Variants in ZFAND3 observed in about 807,000 individuals in gnomAD.
ZFAND3 encodes the protein AN1-type zinc finger protein 3.
ZFAND3 carries 10 observed loss-of-function variants against 29.6 expected under a neutral mutation model. The ratio of observed to expected loss-of-function variants is 0.34; its 90% confidence interval spans 0.21 to 0.57. The LOEUF (loss-of-function observed/expected upper bound fraction) is 0.57. Ranked by LOEUF, ZFAND3 falls within the 20% of genes least tolerant of loss-of-function variation. The pLI, the probability that ZFAND3 is intolerant of heterozygous loss-of-function variation, is 0.86. For synonymous variants in ZFAND3, 128 were observed against 112.6 expected (o/e 1.14, Z -0.87); for missense variants, 230 against 304.5 (o/e 0.76, Z 1.82).
intron 1 of ZFAND3, among the ~76,000 whole-genome samples, chr6:37,842,647 A>T (rs1419332164): frequency 1.3e-5 from 2 of 152,222 alleles, no homozygotes; most frequent in African/African-American, 4.8e-5. Flanking sequence ...CTTACTTGAC[A>T]TCAAGAAAAG....
chr6:38,047,352 A>G (rs1469217519), intron 2 of ZFAND3, among the ~76,000 whole-genome samples: 5 of 152,084 alleles, frequency 3.3e-5, no homozygotes, highest in Admixed American at 3.3e-4. Context: ...ACTTCTTTCA[A>G]ACCCAATCTG....
At chr6:38,113,437 A>G (rs1765357637) in intron 4 of ZFAND3, among the ~76,000 whole-genome samples, 1 of 152,196 alleles carries the variant, frequency 6.6e-6, no homozygotes, top group African/African-American at 2.4e-5. Flanking sequence ...CAAATAACTC[A>G]GTGGTCTTTA....
chr6:37,932,105 C>T (rs1761607740), intron 2 of ZFAND3, among the ~76,000 whole-genome samples: 2 of 152,028 alleles, frequency 1.3e-5, no homozygotes, highest in Admixed American at 1.3e-4. Flanking sequence ...CCCGTCTCTA[C>T]TAAAAACACA....
chr6:37,896,062 A>G (rs1765197607), intron 1 of ZFAND3, among the ~76,000 whole-genome samples: 1 of 152,202 alleles, frequency 6.6e-6, no homozygotes, highest in Admixed American at 6.5e-5. Context: ...GAGTAGATTT[A>G]CAGATGTCAT....
chr6:38,120,365 G>A (rs1267117442), intron 5 of ZFAND3, among the ~76,000 whole-genome samples: 5 of 108,034 alleles, frequency 4.6e-5, no homozygotes, highest in South Asian at 2.9e-4. Flanking sequence ...AGACGGAGTC[G>A]CCCAGGCTGG....
intron 5 of ZFAND3, among the ~76,000 whole-genome samples, chr6:38,149,290 G>A (rs1220435446): frequency 6.6e-6 from 1 of 151,848 alleles, no homozygotes; most frequent in Non-Finnish European, 1.5e-5. Flanking sequence ...ATGTGTGCTT[G>A]TAGTTGCGCT....
intron 2 of ZFAND3, among the ~76,000 whole-genome samples, chr6:38,055,028 T>C (rs1764107375): frequency 6.6e-6 from 1 of 152,186 alleles, no homozygotes; most frequent in Non-Finnish European, 1.5e-5. Context: ...CTGTAGCCTA[T>C]TATGGACATA....
At chr6:37,917,324 G>A (rs760817092) in intron 1 of ZFAND3, among the ~76,000 whole-genome samples, 17 of 152,230 alleles carry the variant, frequency 1.1e-4, no homozygotes, top group Non-Finnish European at 2.1e-4. Flanking sequence ...CAATTGCGAC[G>A]TCCCACCTTC....
At position 38,064,666 on chromosome 6, in the gene ZFAND3, CTTTTT is replaced by C. The variant is rs35827782; in HGVS notation, c.295+2907_295+2911del. On this transcript the variant is annotated intron_variant, in intron 3 of 5. Transcript: ENST00000287218. ...TTAGGCCACTGTAGACTGCTATGGG[CTTTTT>C]TTTTTTTTTTTTTTTAATATGAATA... 6.9e-5 allele frequency among the ~76,000 whole-genome samples: 8 copies of C among 115,934 alleles called. No individual in the cohort carries two copies. The East Asian group carries it at 9.5e-4, about 14-fold the overall frequency. 76.1% of individuals were successfully genotyped at this position (115,934 alleles called of 152,430 possible).
At chr6:37,919,807 T>C (rs1007018806) in intron 1 of ZFAND3, among the ~76,000 whole-genome samples, 1 of 152,198 alleles carries the variant, frequency 6.6e-6, no homozygotes, top group Non-Finnish European at 1.5e-5. Flanking sequence ...TTTATAAAAC[T>C]AGTTTGTTGT....
intron 2 of ZFAND3, among the ~76,000 whole-genome samples, chr6:38,036,391 A>G (rs541333866): frequency 6.6e-6 from 1 of 152,336 alleles, no homozygotes; most frequent in East Asian, 1.9e-4. Context: ...GAACAGGGAT[A>G]GGATAGGAGA....
rs141125955 is a variant in ZFAND3 at position 38,101,902 on chromosome 6, T to C, written c.362-14670T>C. ...AAATAGTTTAAAAACAAATCAGCTA[T>C]TTAATTTTAGCATCTACTCAGTTAT... On this transcript the variant is annotated intron_variant, in intron 4 of 5. Transcript: ENST00000287218. Among the ~76,000 whole-genome samples, 757 of 152,254 alleles carry C rather than the reference T, an allele frequency of 5.0e-3. 9 individuals carry two copies. Among genetic ancestry groups the C allele is most frequent in the African/African-American group, 0.017 (699 of 41,540 alleles).
chr6:37,916,255 A>G (rs566253165), intron 1 of ZFAND3, among the ~76,000 whole-genome samples: 3 of 152,338 alleles, frequency 2.0e-5, no homozygotes, highest in African/African-American at 4.8e-5. Flanking sequence ...ACAGATATGA[A>G]GTAAGCACGT....
intron 1 of ZFAND3, among the ~76,000 whole-genome samples, chr6:37,919,982 C>T (rs1029306903): frequency 1.3e-5 from 2 of 151,476 alleles, no homozygotes; most frequent in Non-Finnish European, 2.9e-5. Flanking sequence ...AAATCCCAAA[C>T]ACCATTCCTT....
At chr6:38,126,367 G>A (rs9470786) in intron 5 of ZFAND3, among the ~76,000 whole-genome samples, 4,502 of 152,302 alleles carry the variant, frequency 0.03, 174 homozygotes, top group African/African-American at 0.085. Context: ...CATTTATGCA[G>A]AAGTCTTGTG....
At chr6:37,864,738 TACAC>T (rs70977698) in intron 1 of ZFAND3, among the ~76,000 whole-genome samples, 58,686 of 148,766 alleles carry the variant, frequency 0.39, 11,756 homozygotes, top group Non-Finnish European at 0.44. Context: ...TATGTGGTTA[TACAC>T]ACACACACAC....
chr6:37,891,307 A>G (rs1191704368), intron 1 of ZFAND3, among the ~76,000 whole-genome samples: 1 of 151,652 alleles, frequency 6.6e-6, no homozygotes, highest in Non-Finnish European at 1.5e-5. Context: ...TTTTTTGTTT[A>G]GTCATTCATT....
intron 1 of ZFAND3, among the ~76,000 whole-genome samples, chr6:37,903,436 T>C (rs1765354435): frequency 6.6e-6 from 1 of 152,236 alleles, no homozygotes. Context: ...ACTTCATCAT[T>C]CAGGGGCTAA....
intron 4 of ZFAND3, among the ~76,000 whole-genome samples, chr6:38,115,000 T>G (rs1023598484): frequency 1.3e-5 from 2 of 152,178 alleles, no homozygotes; most frequent in African/African-American, 4.8e-5. Context: ...GAATAGGGAT[T>G]CAGTGATCTA....
Sources: gnomAD v4.1 joint callset for allele counts (sites outside exome capture counted in the v4.1 genomes callset) on GRCh38, gnomAD v4.1.1 for gene constraint, MANE v1.5 for transcripts, NCBI Gene and HGNC (gene_info 2026-07-23, HGNC 2026-07-21) for gene names.